Variants in SDR42E1 observed in about 807,000 individuals in gnomAD.
SDR42E1 encodes the protein short chain dehydrogenase/reductase family 42E, member 1.
Under a neutral mutation model 2.6 loss-of-function variants are expected in SDR42E1, and 5 were observed. The ratio of observed to expected loss-of-function variants is 1.94; its 90% confidence interval spans 1.01 to 4.08. The LOEUF is 4.08. Among genes scored for constraint, SDR42E1 ranks in the 30% most tolerant of loss-of-function variants. SDR42E1 has a pLI of 0.00. For missense variants in SDR42E1, 596 were observed against 478.6 expected (o/e 1.25, Z -2.29); for synonymous variants, 231 against 188.3 (o/e 1.23, Z -1.86).
intron 1 of SDR42E1, among the ~76,000 whole-genome samples, chr16:82,004,708 T>C (rs770056189): frequency 3.3e-5 from 5 of 152,228 alleles, no homozygotes; most frequent in African/African-American, 4.8e-5. Context: ...TTTGTAGGTT[T>C]ACAGCAATGA....
At position 81,993,007 on chromosome 16, in the gene SDR42E1, A is replaced by C. The variant is rs1161313622; in HGVS notation, c.*6104T>G. 6.6e-6 allele frequency: 1 copy of C among 152,204 alleles called. No homozygotes were observed. The highest frequency in any genetic ancestry group is 1.5e-5 in the Non-Finnish European group (1 of 68,038). The allele number at this position is 152,204 out of a possible 1,614,324, so 9.4% of individuals were successfully genotyped here. On this transcript the variant is annotated 3_prime_UTR_variant, in exon 3 of 3. Coordinates refer to ENST00000328945, the MANE Select transcript of SDR42E1 (RefSeq NM_145168.3). Reference sequence around the variant, plus strand: ...ACCAGGCACAACAAGATGTGTTGCCAAAGAATCCCTTTGGCTCAAGAAAAA... The same window carrying C: ...ACCAGGCACAACAAGATGTGTTGCCCAAGAATCCCTTTGGCTCAAGAAAAA...
chr16:81,997,080 A>G lies in SDR42E1; in HGVS notation c.*2031T>C, dbSNP rs1349068147. ...TCACAGTGGAGAACTTACCTCAGAG[A>G]TTTGTGGGTGTGGCTTTTGTGAGTG... On this transcript the variant is annotated 3_prime_UTR_variant, in exon 3 of 3. Coordinates refer to ENST00000328945, the MANE Select transcript of SDR42E1 (RefSeq NM_145168.3). The G allele has an allele frequency of 6.6e-6, 1 of 152,148 alleles. No homozygotes were observed. The highest frequency in any genetic ancestry group is 2.4e-5 in the African/African-American group (1 of 41,430). 9.4% of individuals were successfully genotyped at this position (152,148 alleles called of 1,614,324 possible). A position where few individuals can be genotyped will look rare whatever the true frequency, so the allele number is the denominator to read the frequency against.
Position 81,990,871 on chromosome 16 carries a change from G to T in SDR42E1, c.*8240C>A, listed in dbSNP as rs539147522. ...TCCACTGTGAAGTGCTTTGTAAAAAGTTCACCCTTCTTTGGGAGAATTTAA... is the reference window on the plus strand; with the variant it reads ...TCCACTGTGAAGTGCTTTGTAAAAATTTCACCCTTCTTTGGGAGAATTTAA... On this transcript the variant is annotated 3_prime_UTR_variant, in exon 3 of 3. Transcript: ENST00000328945. 2 of 152,296 alleles carry T rather than the reference G, an allele frequency of 1.3e-5. No individual in the cohort carries two copies. The highest frequency in any genetic ancestry group is 4.8e-5 in the African/African-American group (2 of 41,558). The allele number at this position is 152,296 out of a possible 1,614,324, so 9.4% of individuals were successfully genotyped here.
intron 1 of SDR42E1, chr16:82,007,991 G>C (rs1208784897): frequency 6.6e-6 from 1 of 152,284 alleles, no homozygotes; most frequent in South Asian, 2.1e-4. Flanking sequence ...TAAATCCCAC[G>C]TGTCCTGGAG....
rs1473314300 is a variant in SDR42E1 at position 81,989,034 on chromosome 16, CTA to C, written c.*10075_*10076del. 6.6e-6 allele frequency: 1 copy of C among 151,974 alleles called. No homozygotes were observed. Among genetic ancestry groups the C allele is most frequent in the Non-Finnish European group, 1.5e-5 (1 of 68,006 alleles). The allele number at this position is 151,974 out of a possible 1,614,324, so 9.4% of individuals were successfully genotyped here. On this transcript the variant is annotated 3_prime_UTR_variant, in exon 3 of 3. Transcript: ENST00000328945. ...GAAAAATGCTTAATTCTTCATATAA[CTA>C]TGTGTCTTATATATAGGGTGATCGT... is the stretch of plus-strand genomic sequence containing the variant.
chr16:81,999,752 A>G lies in SDR42E1; in HGVS notation c.541T>C (p.Cys181Arg), dbSNP rs757325623. Residue 181 changes from cysteine (C) to arginine (R), a missense_variant, in exon 3 of 3, where the codon TGC becomes CGC. Transcript: ENST00000328945. ...LDRGDGVLRT[C>R]ALRPAGIYGP... is the part of the protein sequence containing the mutation. ...TAGATGCCAGCTGGCCTCAGAGCGC[A>G]GGTTCTTAAGACACCGTCGCCTCTG... 18 of 1,614,192 alleles carry G rather than the reference A, an allele frequency of 1.1e-5. No homozygotes were observed. The highest frequency in any genetic ancestry group is 1.5e-5 in the Non-Finnish European group (18 of 1,180,024).
chr16:82,000,834 C>T lies in SDR42E1; in HGVS notation c.25G>A (p.Glu9Lys). 6.2e-7 allele frequency: 1 copy of T among 1,613,902 alleles called. No individual in the cohort carries two copies. The highest frequency in any genetic ancestry group is 1.7e-4 in the Middle Eastern group (1 of 6,044). MDPKRSQK[E>K]SVLITGGSGY... ...CTTCCTCCTGTAATGAGGACACTTT[C>T]CTTTTGAGATCTTTTGGGGTCCATA... Residue 9 changes from glutamate to lysine, a missense_variant, in exon 2 of 3, where the codon GAA (glutamate) becomes AAA (lysine). Physicochemically the swap from Glu to Lys is moderately conservative, Grantham distance 56. Transcript: ENST00000328945.
rs1378290008 is a variant in SDR42E1 at position 81,997,281 on chromosome 16, G to C, written c.*1830C>G. 6.6e-6 allele frequency: 1 copy of C among 152,246 alleles called. No individual in the cohort carries two copies. The highest frequency in any genetic ancestry group is 2.4e-5 in the African/African-American group (1 of 41,470). 9.4% of individuals were successfully genotyped at this position (152,246 alleles called of 1,614,324 possible). A position where few individuals can be genotyped will look rare whatever the true frequency, so the allele number is the denominator to read the frequency against. On this transcript the variant is annotated 3_prime_UTR_variant, in exon 3 of 3. Coordinates refer to ENST00000328945, the MANE Select transcript of SDR42E1 (RefSeq NM_145168.3). ...CTGGAAATGTGGGCAACGTTTCATG[G>C]AAAAGGAAGGATGACTCACATCGGG... is the stretch of plus-strand genomic sequence containing the variant.
At chr16:82,001,617 G>A (rs1359893202) in intron 1 of SDR42E1, among the ~76,000 whole-genome samples, 1 of 152,040 alleles carries the variant, frequency 6.6e-6, no homozygotes, top group African/African-American at 2.4e-5. Flanking sequence ...GTGGGAGGGA[G>A]AGAGGCCAGG....
In SDR42E1 at chr16:81,999,411, T is replaced by C; in HGVS notation, c.882A>G (p.Thr294=). ...GACCCAAAATGAAGTGAACCATCTC[T>C]GTTAGAAAAGCAAAGCAGTAGACCA... The part of the protein sequence containing the change: ...LTLVYCFAFL[T]EMVHFILGRL... Residue 294 remains threonine (T), a synonymous_variant, in exon 3 of 3, where the codon ACA becomes ACG. Coordinates refer to ENST00000328945, the MANE Select transcript of SDR42E1 (RefSeq NM_145168.3). 6.2e-7 allele frequency: 1 copy of C among 1,614,162 alleles called. No homozygotes were observed. Among genetic ancestry groups the C allele is most frequent in the Non-Finnish European group, 8.5e-7 (1 of 1,180,036 alleles).
At chr16:82,009,733 GT>G (rs1913064312) in intron 1 of SDR42E1, among the ~76,000 whole-genome samples, 1 of 152,216 alleles carries the variant, frequency 6.6e-6, no homozygotes, top group Admixed American at 6.5e-5. Context: ...GCTAAAATGA[GT>G]TAAGACTTTG....
At chr16:82,001,837 G>A (rs111327851) in intron 1 of SDR42E1, among the ~76,000 whole-genome samples, 6,187 of 150,802 alleles carry the variant, frequency 0.041, 409 homozygotes, top group African/African-American at 0.14. Flanking sequence ...AGGAGGCGTA[G>A]CTGGCAATGA....
Position 81,989,634 on chromosome 16 carries a change from G to C in SDR42E1, c.*9477C>G, listed in dbSNP as rs1912382163. 6.6e-6 allele frequency: 1 copy of C among 152,180 alleles called. No homozygotes were observed. The highest frequency in any genetic ancestry group is 6.5e-5 in the Admixed American group (1 of 15,280). 9.4% of individuals were successfully genotyped at this position (152,180 alleles called of 1,614,324 possible). A position where few individuals can be genotyped will look rare whatever the true frequency, so the allele number is the denominator to read the frequency against. ...GGCATAGATGCCTACTTGTTCTCTA[G>C]CATGGTGTAATTGACTCTGCAATCT... On this transcript the variant is annotated 3_prime_UTR_variant, in exon 3 of 3. Coordinates refer to ENST00000328945, the MANE Select transcript of SDR42E1 (RefSeq NM_145168.3).
intron 1 of SDR42E1, among the ~76,000 whole-genome samples, chr16:82,005,749 C>T (rs74523225): frequency 0.024 from 3,698 of 152,212 alleles, 135 homozygotes; most frequent in African/African-American, 0.08. Context: ...TAATTGCTCT[C>T]CCCTGGTGGG....
Position 81,999,327 on chromosome 16 carries a change from T to G in SDR42E1, c.966A>C (p.Thr322=), listed in dbSNP as rs1256557100. Residue 322 remains threonine (T), a synonymous_variant, in exon 3 of 3, where the codon ACA becomes ACC. Coordinates refer to ENST00000328945, the MANE Select transcript of SDR42E1 (RefSeq NM_145168.3). Reference sequence around the variant, plus strand: ...TGGCTTTCTCTAAGCTAAAATAATGTGTGACACCAGTTTTGTAAACTTCAG... The same window carrying G: ...TGGCTTTCTCTAAGCTAAAATAATGGGTGACACCAGTTTTGTAAACTTCAG... ...TRTEVYKTGV[T]HYFSLEKAKK... is the part of the protein sequence containing the mutation. 1.2e-6 allele frequency: 2 copies of G among 1,614,230 alleles called. No individual in the cohort carries two copies. Among genetic ancestry groups the G allele is most frequent in the Non-Finnish European group, 1.7e-6 (2 of 1,180,040 alleles).
intron 1 of SDR42E1, among the ~76,000 whole-genome samples, chr16:82,008,539 A>T (rs1913023350): frequency 6.6e-6 from 1 of 152,166 alleles, no homozygotes; most frequent in Admixed American, 6.5e-5. Context: ...CTGGAGCAAA[A>T]GTGACTCGTT....
Position 81,996,304 on chromosome 16 carries a change from A to C in SDR42E1, c.*2807T>G, listed in dbSNP as rs1163202392. On this transcript the variant is annotated 3_prime_UTR_variant, in exon 3 of 3. Transcript: ENST00000328945. ...GCTACTAGTGGAATCTATGGGAGAG[A>C]AGGTACACCTATACCTTGGGCAGTT... is the stretch of plus-strand genomic sequence containing the variant. 2.0e-5 allele frequency: 3 copies of C among 152,166 alleles called. No individual in the cohort carries two copies. The highest frequency in any genetic ancestry group is 2.0e-4 in the Admixed American group (3 of 15,264). 9.4% of individuals were successfully genotyped at this position (152,166 alleles called of 1,614,324 possible). A position where few individuals can be genotyped will look rare whatever the true frequency, so the allele number is the denominator to read the frequency against.
chr16:82,009,919 C>T (rs2143870105), intron 1 of SDR42E1, among the ~76,000 whole-genome samples: 1 of 152,332 alleles, frequency 6.6e-6, no homozygotes, highest in Admixed American at 6.5e-5. Flanking sequence ...AACTGAATCA[C>T]AGGGGTGGGT....
In SDR42E1 at chr16:82,001,953, GGT is replaced by G. The variant is rs113783658; in HGVS notation, c.-26-1071_-26-1070del. ...AGCACACAGGTCCTCAAAGGCACTG[GGT>G]GCGTATACACACACACACACACACA... is the stretch of plus-strand genomic sequence containing the variant. On this transcript the variant is annotated intron_variant, in intron 1 of 2. Coordinates refer to ENST00000328945, the MANE Select transcript of SDR42E1 (RefSeq NM_145168.3). Among the ~76,000 whole-genome samples, 7 of 131,870 alleles carry G rather than the reference GGT, an allele frequency of 5.3e-5. 1 individual carries two copies. Among genetic ancestry groups the G allele is most frequent in the African/African-American group, 2.9e-4 (7 of 24,476 alleles). 86.5% of individuals were successfully genotyped at this position (131,870 alleles called of 152,430 possible). A position where few individuals can be genotyped will look rare whatever the true frequency, so the allele number is the denominator to read the frequency against.
Sources: allele counts gnomAD v4.1 joint callset (sites outside exome capture counted in the v4.1 genomes callset), GRCh38; gene constraint gnomAD v4.1.1; transcripts MANE v1.5; gene names NCBI Gene and HGNC (gene_info 2026-07-23, HGNC 2026-07-21).